The following CTCFL variants were observed in gnomAD, a reference collection of about 807,000 sequenced individuals.
CTCFL encodes transcriptional repressor CTCFL.
CTCFL carries 36 observed loss-of-function variants against 67.4 expected under a neutral mutation model. That is an observed-to-expected ratio of 0.53 (90% CI 0.41 to 0.71). The LOEUF (loss-of-function observed/expected upper bound fraction) is 0.71, where lower values mean the gene tolerates loss of function less well. Among genes scored for constraint, CTCFL ranks in the 30% least tolerant of loss-of-function variants. The pLI is 0.00. For synonymous variants in CTCFL, 324 were observed against 302.3 expected, an observed-to-expected ratio of 1.07 and a Z score of -0.75; for missense variants, 786 against 835.2, an observed-to-expected ratio of 0.94 and a Z score of 0.73.
chr20:57,502,176 G>A (rs1600636663), intron 10 of CTCFL, among the ~76,000 whole-genome samples: 3 of 152,258 alleles, frequency 2.0e-5, no homozygotes, highest in Non-Finnish European at 2.9e-5. Context: ...AAGGCAGGCC[G>A]GGGGCACACC....
At chr20:57,518,732 A>C in intron 5 of CTCFL, 26 bp downstream of exon 5, 1 of 1,614,100 alleles carries the variant, frequency 6.2e-7, no homozygotes, top group Non-Finnish European at 8.5e-7. Flanking sequence ...GATGCCATGA[A>C]GCTTCAAGTC....
rs78369777 is a variant in CTCFL, at chr20:57,507,506, G to A, written c.1674+1100C>T. On this transcript the variant is annotated intron_variant, in intron 9 of 10. Coordinates refer to ENST00000243914, the MANE Select transcript of CTCFL (RefSeq NM_001386993.1). Reference sequence around the variant, plus strand: ...AGCCCCCACAGCTGGCTGTTGTGCCGCTTTTAGGACTAGACTGCAAAAGGC... The same window carrying A: ...AGCCCCCACAGCTGGCTGTTGTGCCACTTTTAGGACTAGACTGCAAAAGGC... 6.1e-4 allele frequency: 419 copies of A among 688,834 alleles called. 1 individual carries two copies. The East Asian group carries it at 0.01, about 17-fold the overall frequency. The allele number at this position is 688,834 out of a possible 1,614,324, so 42.7% of individuals were successfully genotyped here.
At chr20:57,503,681 C>G in intron 9 of CTCFL, 80 bp from the exon 10 acceptor site, 1 of 1,476,820 alleles carries the variant, frequency 6.8e-7, no homozygotes, top group East Asian at 2.3e-5. Flanking sequence ...GGGGACCCCA[C>G]GCATGGAAAG....
intron 8 of CTCFL, among the ~76,000 whole-genome samples, chr20:57,509,304 G>C (rs934166911): frequency 1.9e-5 from 1 of 52,660 alleles, no homozygotes; most frequent in Non-Finnish European, 4.3e-5. Context: ...TTTTTTTTTT[G>C]AGACAGGGTC....
chr20:57,512,102 G>C (rs1369458653), intron 8 of CTCFL, among the ~76,000 whole-genome samples: 1 of 152,140 alleles, frequency 6.6e-6, no homozygotes, highest in Non-Finnish European at 1.5e-5. Flanking sequence ...TCATCACAAA[G>C]ATTATTAAAA....
At chr20:57,507,141 A>T (rs1407517477) in intron 9 of CTCFL, 1 of 711,650 alleles carries the variant, frequency 1.4e-6, no homozygotes, top group Non-Finnish European at 1.7e-6. Flanking sequence ...TTCATTCCCC[A>T]CTCGAGTGTG....
intron 7 of CTCFL, 44 bp from the exon 8 acceptor site, chr20:57,512,796 T>A (rs903516826): frequency 1.9e-6 from 3 of 1,584,322 alleles, no homozygotes; most frequent in Non-Finnish European, 2.6e-6. Flanking sequence ...AGTGTTGTTT[T>A]CTGTTAGCCT....
chr20:57,514,922 C>T, intron 6 of CTCFL, 181 bp from the exon 7 acceptor site: 1 of 632,946 alleles, frequency 1.6e-6, no homozygotes, highest in Middle Eastern at 2.5e-4. Context: ...TCAAGTACAG[C>T]TGTGTCCATG....
At chr20:57,496,207 C>T (rs1457212253), downstream of CTCFL, 3 of 566,412 alleles carry the variant, frequency 5.3e-6, no homozygotes, top group South Asian at 2.3e-5. Flanking sequence ...GGAATCTGGT[C>T]GTTCAGAGGA....
At chr20:57,499,889 TCA>T in intron 10 of CTCFL, 1 of 846,104 alleles carries the variant, frequency 1.2e-6, no homozygotes, top group Non-Finnish European at 1.4e-6. Context: ...CTTCACTCCC[TCA>T]CCCACTGCTC....
intron 5 of CTCFL, among the ~76,000 whole-genome samples, chr20:57,516,717 C>T (rs1269721673): frequency 1.3e-5 from 2 of 152,194 alleles, no homozygotes; most frequent in South Asian, 2.1e-4. Flanking sequence ...CAGCAGGTTC[C>T]TAAGAAGAAT....
chr20:57,497,711 CA>C lies in CTCFL; in HGVS notation c.*838del. On this transcript the variant is annotated 3_prime_UTR_variant, in exon 11 of 11. Coordinates refer to ENST00000243914, the MANE Select transcript of CTCFL (RefSeq NM_001386993.1). The stretch of plus-strand genomic sequence containing the variant: ...CCTTATCTGATTTTATGTTTCTTCT[CA>C]CTCTGCCAATTATTTTACAAATATA... 8.1e-6 allele frequency: 8 copies of C among 985,308 alleles called. No homozygotes were observed. Among genetic ancestry groups the C allele is most frequent in the Non-Finnish European group, 9.6e-6 (8 of 829,810 alleles). 61.0% of individuals were successfully genotyped at this position (985,308 alleles called of 1,614,324 possible).
chr20:57,504,382 C>T (rs755279320), intron 9 of CTCFL, among the ~76,000 whole-genome samples: 7 of 146,852 alleles, frequency 4.8e-5, no homozygotes, highest in Non-Finnish European at 7.5e-5. Flanking sequence ...CAGGTTCAAG[C>T]GATTCTCCTG....
chr20:57,505,703 G>A (rs556705612), intron 9 of CTCFL, among the ~76,000 whole-genome samples: 1 of 152,252 alleles, frequency 6.6e-6, no homozygotes, highest in Admixed American at 6.5e-5. Flanking sequence ...TGAAGCTACT[G>A]AGCAGAGGTC....
chr20:57,497,926 T>C lies in CTCFL; in HGVS notation c.*624A>G, dbSNP rs8122634. ...TTCCTTATTTTCTAGTCTAATCTAG[T>C]ATTTCATTTCCTACTCAGTTTTCCT... is the stretch of plus-strand genomic sequence containing the variant. On this transcript the variant is annotated 3_prime_UTR_variant, in exon 11 of 11. Transcript: ENST00000243914. 8.6e-3 allele frequency: 8,172 copies of C among 951,204 alleles called. 505 individuals are homozygous for C. The African/African-American group carries it at 0.13, about 15-fold the overall frequency. 58.9% of individuals were successfully genotyped at this position (951,204 alleles called of 1,614,324 possible). A position where few individuals can be genotyped will look rare whatever the true frequency, so the allele number is the denominator to read the frequency against.
intron 10 of CTCFL, among the ~76,000 whole-genome samples, chr20:57,502,501 G>A (rs1202623353): frequency 2.0e-5 from 3 of 152,212 alleles, no homozygotes; most frequent in African/African-American, 7.2e-5. Context: ...ACCGTCATCT[G>A]TGGGAACATT....
At chr20:57,507,316 C>T (rs2068261922) in intron 9 of CTCFL, 5 of 440,710 alleles carry the variant, frequency 1.1e-5, no homozygotes, top group Non-Finnish European at 1.7e-5. Flanking sequence ...CCCAACCACC[C>T]AAGTAGCTGG....
chr20:57,497,006 C>A (rs2067731325), downstream of CTCFL, among the ~76,000 whole-genome samples: 2 of 99,288 alleles, frequency 2.0e-5, no homozygotes, highest in Non-Finnish European at 1.9e-5. Flanking sequence ...ATGCTATTTC[C>A]ATTTTTTTTT....
In CTCFL at chr20:57,497,511, T is replaced by TA. The variant is rs1226548919; in HGVS notation, c.*1038dup. On this transcript the variant is annotated 3_prime_UTR_variant, in exon 11 of 11. Coordinates refer to ENST00000243914, the MANE Select transcript of CTCFL (RefSeq NM_001386993.1). ...TTGGCAGCAAAACAAACTGCTCAACTAAGCAATGAAGAAAAATCTGCCTCT... is the reference window on the plus strand; with the variant it reads ...TTGGCAGCAAAACAAACTGCTCAACTAAAGCAATGAAGAAAAATCTGCCTCT... 2 of 985,422 alleles carry TA rather than the reference T, an allele frequency of 2.0e-6. No homozygotes were observed. The highest frequency in any genetic ancestry group is 2.3e-4 in the East Asian group (2 of 8,818). The allele number at this position is 985,422 out of a possible 1,614,324, so 61.0% of individuals were successfully genotyped here.
Sources: allele counts gnomAD v4.1 joint callset (sites outside exome capture counted in the v4.1 genomes callset), GRCh38; gene constraint gnomAD v4.1.1; transcripts MANE v1.5; gene names NCBI Gene and HGNC (gene_info 2026-07-23, HGNC 2026-07-21).